Variants in BCL2L14 observed in about 807,000 individuals in gnomAD.
BCL2L14 encodes the protein BCL2 like 14, also known as apoptosis facilitator Bcl-2-like protein 14.
Under a neutral mutation model 35.3 loss-of-function variants are expected in BCL2L14, and 27 were observed. The observed-to-expected ratio is 0.76, with a 90% CI of 0.56 to 1.05. The LOEUF is 1.05. Among genes scored for constraint, BCL2L14 ranks in the 50% least tolerant of loss-of-function variants. The pLI, the probability that BCL2L14 is intolerant of heterozygous loss-of-function variation, is 0.00. For synonymous variants in BCL2L14, 139 were observed against 145.9 expected, an observed-to-expected ratio of 0.95 and a Z score of 0.34; for missense variants, 377 against 382.6, an observed-to-expected ratio of 0.99 and a Z score of 0.12.
chr12:12,059,859 T>C (rs1304263990), intron 2 of BCL2L14, among the ~76,000 whole-genome samples: 2 of 152,204 alleles, frequency 1.3e-5, no homozygotes, highest in Non-Finnish European at 2.9e-5. Context: ...TTTTCCATCC[T>C]ACAAGATCTA....
intron 1 of BCL2L14, chr12:12,071,852 T>G (rs933786218): frequency 6.6e-6 from 1 of 152,312 alleles, no homozygotes; most frequent in Admixed American, 6.6e-5. Flanking sequence ...ACCTTTAGTA[T>G]TAAAGAACAG....
At chr12:12,050,443 A>AAAAG (rs1421549536) in intron 1 of BCL2L14, among the ~76,000 whole-genome samples, 1 of 147,216 alleles carries the variant, frequency 6.8e-6, no homozygotes, top group African/African-American at 2.5e-5. Flanking sequence ...AAAAAAAAAA[A>AAAAG]AAAAAAGAAA....
In BCL2L14 at chr12:12,093,088, T is replaced by C. The variant is rs865961585; in HGVS notation, c.679-1576T>C. Reference sequence around the variant, plus strand: ...TTTTTCAAAAGCAGAAGAGGCAGCATTGATTTTGTTTTAAAGGCGTGGTAG... The same window carrying C: ...TTTTTCAAAAGCAGAAGAGGCAGCACTGATTTTGTTTTAAAGGCGTGGTAG... On this transcript the variant is annotated intron_variant, in intron 4 of 5. Coordinates refer to ENST00000308721, the MANE Select transcript of BCL2L14 (RefSeq NM_138723.2). Among the ~76,000 whole-genome samples the C allele has an allele frequency of 9.2e-5, 14 of 152,298 alleles. No homozygotes were observed. In the Middle Eastern group the frequency reaches 0.01, roughly 111 times the overall value.
chr12:12,095,735 T>C (rs1040637663), intron 5 of BCL2L14: 5 of 985,098 alleles, frequency 5.1e-6, no homozygotes, highest in Admixed American at 6.2e-5. Context: ...ATGGCTGGAG[T>C]GACCCTGGGA....
At chr12:12,076,311 C>G (rs988511858) in intron 1 of BCL2L14, among the ~76,000 whole-genome samples, 1 of 152,062 alleles carries the variant, frequency 6.6e-6, no homozygotes, top group African/African-American at 2.4e-5. Context: ...ACTGACGTGA[C>G]TCCTTACAGA....
intron 2 of BCL2L14, among the ~76,000 whole-genome samples, chr12:12,059,096 G>T (rs567054417): frequency 1.3e-5 from 2 of 152,166 alleles, no homozygotes; most frequent in African/African-American, 2.4e-5. Flanking sequence ...CCAAAACTCC[G>T]GTGCCGGTCA....
chr12:12,050,411 C>T (rs1295668546), intron 1 of BCL2L14, among the ~76,000 whole-genome samples: 2 of 133,682 alleles, frequency 1.5e-5, no homozygotes, highest in South Asian at 2.4e-4. Flanking sequence ...CCAACCTGGG[C>T]GACAGAGGGA....
chr12:12,061,411 CT>C (rs1948524262), intron 2 of BCL2L14, among the ~76,000 whole-genome samples: 1 of 152,026 alleles, frequency 6.6e-6, no homozygotes, highest in Non-Finnish European at 1.5e-5. Context: ...GGATTAAAGC[CT>C]GTTGTCACTC....
At chr12:12,070,761 A>C (rs1458403882), upstream of BCL2L14, among the ~76,000 whole-genome samples, 1 of 152,208 alleles carries the variant, frequency 6.6e-6, no homozygotes, top group African/African-American at 2.4e-5. Flanking sequence ...AACAACTGAT[A>C]AGGATAGTAA....
At chr12:12,077,609 T>G (rs1235876686) in intron 1 of BCL2L14, 2 of 152,110 alleles carry the variant, frequency 1.3e-5, no homozygotes, top group African/African-American at 4.8e-5. Flanking sequence ...TAGCTACCAC[T>G]TTTGAACCAG....
At chr12:12,070,441 T>A (rs1948651908), upstream of BCL2L14, among the ~76,000 whole-genome samples, 1 of 152,194 alleles carries the variant, frequency 6.6e-6, no homozygotes, top group Admixed American at 6.5e-5. Flanking sequence ...TCCCAGCACT[T>A]TGGGAGGCCG....
chr12:12,080,516 A>G (rs936244869), intron 2 of BCL2L14, among the ~76,000 whole-genome samples: 1 of 150,722 alleles, frequency 6.6e-6, no homozygotes, highest in East Asian at 2.0e-4. Context: ...GCTACTCGGG[A>G]GGCTGGGGCA....
intron 2 of BCL2L14, among the ~76,000 whole-genome samples, chr12:12,086,587 A>C (rs1173178391): frequency 1.3e-5 from 2 of 152,248 alleles, no homozygotes; most frequent in African/African-American, 4.8e-5. Context: ...TGAAGGCCGT[A>C]AGTTGTGCTG....
chr12:12,086,179 G>A (rs3851594), intron 2 of BCL2L14, among the ~76,000 whole-genome samples: 15,971 of 152,018 alleles, frequency 0.11, 1,206 homozygotes, highest in East Asian at 0.35. Flanking sequence ...TTAGCCAGGC[G>A]TGGTGATGCA....
rs113379776 is a variant in BCL2L14 at position 12,077,196 on chromosome 12, G to A, written c.-7-2103G>A. ...ACAGCAGCTTACATGCCGAAAGACCGTCTTAAATTAGGACCAGAAAGGGAA... is the reference window on the plus strand; with the variant it reads ...ACAGCAGCTTACATGCCGAAAGACCATCTTAAATTAGGACCAGAAAGGGAA... On this transcript the variant is annotated intron_variant, in intron 1 of 5. Transcript: ENST00000308721. Among the ~76,000 whole-genome samples the A allele has an allele frequency of 2.2e-3, 333 of 152,204 alleles. 3 individuals carry two copies. Among genetic ancestry groups the A allele is most frequent in the African/African-American group, 7.3e-3 (305 of 41,542 alleles).
upstream of BCL2L14, among the ~76,000 whole-genome samples, chr12:12,066,121 A>G (rs913564440): frequency 2.6e-5 from 4 of 152,064 alleles, no homozygotes; most frequent in African/African-American, 9.7e-5. Context: ...CTTCATCTTC[A>G]TTGCCTTCAG....
intron 5 of BCL2L14, chr12:12,095,922 T>A (rs1166376474): frequency 1.0e-6 from 1 of 985,318 alleles, no homozygotes; most frequent in East Asian, 1.1e-4. Context: ...GTGGCTGATC[T>A]GAACAACCAA....
chr12:12,052,777 T>C (rs577719288), intron 2 of BCL2L14, among the ~76,000 whole-genome samples: 2 of 152,308 alleles, frequency 1.3e-5, no homozygotes, highest in South Asian at 4.1e-4. Context: ...GTTTCTTAGC[T>C]TCTGTCTGAC....
chr12:12,093,204 A>T (rs1180776906), intron 4 of BCL2L14, among the ~76,000 whole-genome samples: 1 of 152,192 alleles, frequency 6.6e-6, no homozygotes, highest in African/African-American at 2.4e-5. Flanking sequence ...GAAATCAATG[A>T]ATTGGAGTTT....
Sources: allele counts gnomAD v4.1 joint callset (sites outside exome capture counted in the v4.1 genomes callset), GRCh38; gene constraint gnomAD v4.1.1; transcripts MANE v1.5; gene names NCBI Gene and HGNC (gene_info 2026-07-23, HGNC 2026-07-21).